Variants in LY75 observed in about 807,000 individuals in gnomAD.
The protein encoded by LY75 is lymphocyte antigen 75.
Under a neutral mutation model 231.7 loss-of-function variants are expected in LY75, and 185 were observed. The observed-to-expected ratio is 0.80, with a 90% CI of 0.71 to 0.90. The LOEUF (loss-of-function observed/expected upper bound fraction) is 0.90, where lower values mean the gene tolerates loss of function less well. Among genes scored for constraint, LY75 ranks in the 40% least tolerant of loss-of-function variants. LY75 has a pLI of 0.00. For synonymous variants in LY75, 668 were observed against 689.0 expected (o/e 0.97, Z 0.48); for missense variants, 1,947 against 2,050.2 (o/e 0.95, Z 0.97).
chr2:159,872,635 T>C (rs754068766), intron 12 of LY75, 42 bp from the exon 13 acceptor site: 1 of 1,595,156 alleles, frequency 6.3e-7, no homozygotes, highest in East Asian at 2.2e-5. Flanking sequence ...GGTATTATCA[T>C]AAAGTATTTC....
At position 159,878,649 on chromosome 2, in the gene LY75, G is replaced by A. The variant is rs1038830358; in HGVS notation, c.1588C>T (p.Leu530=). ...TGGTCACACCTGCTAGTGATAGTCA[G>A]ATTGCAGTTTGTTCCAAAAGGGACC... ...DEVPFGTNCN[L]TITSRFEQEY... Residue 530 remains leucine, a synonymous_variant, in exon 10 of 35, where the codon CTG becomes TTG. Transcript: ENST00000263636. 6.2e-7 allele frequency: 1 copy of A among 1,613,898 alleles called. No homozygotes were observed. The highest frequency in any genetic ancestry group is 8.5e-7 in the Non-Finnish European group (1 of 1,179,956).
chr2:159,853,499 C>A, intron 19 of LY75, 131 bp downstream of exon 19: 1 of 1,482,422 alleles, frequency 6.7e-7, no homozygotes, highest in South Asian at 1.2e-5. Context: ...TGCAAAAGGG[C>A]TTGGTTTCTC....
rs1560107555 is a variant in LY75, at chr2:159,898,956, T to TAA, written c.196_197dup (p.Leu66PhefsTer28). On this transcript the variant is annotated frameshift_variant, in exon 2 of 35. Coordinates refer to ENST00000263636, the MANE Select transcript of LY75 (RefSeq NM_002349.4). LOFTEE classifies it high-confidence loss of function. ...GCCGATGCTGGGACACCCACTTCCA[T>TAA]AACTTGTCCTCAGTTTCATCACAGT... is the stretch of plus-strand genomic sequence containing the variant. The TAA allele has an allele frequency of 6.2e-7, 1 of 1,614,266 alleles. No homozygotes were observed. Among genetic ancestry groups the TAA allele is most frequent in the East Asian group, 2.2e-5 (1 of 44,892 alleles).
chr2:159,872,331 T>C (rs2884241), intron 13 of LY75, 120 bp downstream of exon 13: 107,079 of 1,332,072 alleles, frequency 0.08, 5,390 homozygotes, highest in East Asian at 0.26. Flanking sequence ...CAAATGACCT[T>C]TTAGATAATA....
intron 3 of LY75, among the ~76,000 whole-genome samples, chr2:159,891,103 G>T (rs956665390): frequency 6.6e-6 from 1 of 152,214 alleles, no homozygotes; most frequent in South Asian, 2.1e-4. Flanking sequence ...CCACAAGAGG[G>T]GAAGTCCAAT....
At chr2:159,808,410 ACT>A in intron 33 of LY75, 37 bp downstream of exon 33, 2 of 1,612,782 alleles carry the variant, frequency 1.2e-6, no homozygotes, top group Non-Finnish European at 1.7e-6. Context: ...ATGAGTTAGA[ACT>A]CTCTTTGCAC....
chr2:159,852,423 T>G (rs201410797), intron 20 of LY75, 83 bp from the exon 21 acceptor site: 141 of 65,130 alleles, frequency 2.2e-3, no homozygotes, highest in Admixed American at 0.019. Context: ...TTTTTTTTTG[T>G]TTTTTTTTTT....
chr2:159,852,620 C>T (rs781693464), intron 20 of LY75, among the ~76,000 whole-genome samples: 3 of 151,778 alleles, frequency 2.0e-5, no homozygotes, highest in Non-Finnish European at 2.9e-5. Flanking sequence ...GGATTCACCA[C>T]GTTGGCCAGG....
At chr2:159,891,589 C>T (rs1685758284) in intron 3 of LY75, among the ~76,000 whole-genome samples, 1 of 152,068 alleles carries the variant, frequency 6.6e-6, no homozygotes, top group Non-Finnish European at 1.5e-5. Context: ...TAAAAAGTAA[C>T]TCTAGGAAGC....
chr2:159,898,562 G>C (rs1420464693), intron 2 of LY75, 126 bp downstream of exon 2: 13 of 1,440,592 alleles, frequency 9.0e-6, no homozygotes, highest in Admixed American at 2.3e-5. Flanking sequence ...CACAGTGCCT[G>C]GAAGTGAAGA....
intron 33 of LY75, 68 bp from the exon 34 acceptor site, chr2:159,807,208 A>T: frequency 1.3e-6 from 2 of 1,513,548 alleles, no homozygotes; most frequent in Non-Finnish European, 1.8e-6. Flanking sequence ...GCATGGGTTC[A>T]TGTAACTCAT....
At chr2:159,874,458 ATACATATTTTGTAAATCTATATAAATATG>A (rs1560093477) in intron 12 of LY75, among the ~76,000 whole-genome samples, 34 of 108,448 alleles carry the variant, frequency 3.1e-4, no homozygotes, top group African/African-American at 1.2e-3. Flanking sequence ...ATATAAATAT[ATACATATTTTGTAAATCTATATAAATATG>A]TACATATTTT....
Position 159,808,436 on chromosome 2 carries a change from T to C in LY75, c.4822+13A>G. On this transcript the variant is annotated intron_variant, in intron 33 of 34. Transcript: ENST00000263636. Reference sequence around the variant, plus strand: ...CTCTCTTTGCACACTACACATACAATTATTTCACTTACCAACAGAATGTTG... The same window carrying C: ...CTCTCTTTGCACACTACACATACAACTATTTCACTTACCAACAGAATGTTG... 1 of 1,613,648 alleles carries C rather than the reference T, an allele frequency of 6.2e-7. No homozygotes were observed. Among genetic ancestry groups the C allele is most frequent in the Non-Finnish European group, 8.5e-7 (1 of 1,179,784 alleles).
At chr2:159,895,942 T>A (rs1482002145) in intron 2 of LY75, among the ~76,000 whole-genome samples, 4 of 152,226 alleles carry the variant, frequency 2.6e-5, no homozygotes, top group Non-Finnish European at 5.9e-5. Flanking sequence ...CAGACTTTCC[T>A]GGGAAGAATC....
At chr2:159,887,211 TCACACACACACA>T (rs370794967) in intron 4 of LY75, among the ~76,000 whole-genome samples, 12 of 129,968 alleles carry the variant, frequency 9.2e-5, no homozygotes, top group African/African-American at 3.1e-4. Context: ...AGAGTGAGAG[TCACACACACACA>T]CACACACACA....
chr2:159,877,036 AAAAAAG>A (rs1294588519), intron 11 of LY75, among the ~76,000 whole-genome samples: 1 of 145,510 alleles, frequency 6.9e-6, no homozygotes. Flanking sequence ...AAAAAAAAAG[AAAAAAG>A]AAAAAGAAAA....
intron 31 of LY75, 144 bp from the exon 32 acceptor site, chr2:159,810,819 C>T: frequency 8.2e-7 from 1 of 1,221,914 alleles, no homozygotes; most frequent in East Asian, 2.6e-5. Context: ...ACAGCCCACA[C>T]TCTATAAATA....
chr2:159,864,293 G>T (rs901840709), intron 14 of LY75, among the ~76,000 whole-genome samples: 1 of 151,878 alleles, frequency 6.6e-6, no homozygotes, highest in Non-Finnish European at 1.5e-5. Context: ...TTTTGAGTTC[G>T]TATCCAAAAA....
At chr2:159,843,568 C>A (rs1358242209) in intron 23 of LY75, among the ~76,000 whole-genome samples, 1 of 151,028 alleles carries the variant, frequency 6.6e-6, no homozygotes, top group African/African-American at 2.4e-5. Flanking sequence ...TTATATTGAC[C>A]TTATAAGGTA....
Sources: gnomAD v4.1 joint callset for allele counts (sites outside exome capture counted in the v4.1 genomes callset) on GRCh38, gnomAD v4.1.1 for gene constraint, MANE v1.5 for transcripts, NCBI Gene and HGNC (gene_info 2026-07-23, HGNC 2026-07-21) for gene names.